Variants in EMX1 observed in about 807,000 individuals in gnomAD.
EMX1 encodes the protein empty spiracles homeobox 1, also known as homeobox protein EMX1.
A neutral mutation model predicts 20.1 loss-of-function variants in EMX1; 10 were observed. That is an observed-to-expected ratio of 0.50 (90% CI 0.31 to 0.84). The LOEUF (loss-of-function observed/expected upper bound fraction) is 0.84. Ranked by LOEUF, EMX1 falls within the 40% of genes least tolerant of loss-of-function variation. The probability of loss-of-function intolerance (pLI) is 0.05; values close to 1 mark genes in which losing one functional copy is unlikely to be tolerated. For missense variants in EMX1, 424 were observed against 431.9 expected (o/e 0.98, Z 0.16); for synonymous variants, 250 against 200.4 (o/e 1.25, Z -2.09).
At chr2:72,925,670 G>A in intron 2 of EMX1, 1 of 1,167,846 alleles carries the variant, frequency 8.6e-7, no homozygotes, top group Admixed American at 3.5e-5. Flanking sequence ...TGCCCGGCAT[G>A]GGGGGCAGCC....
intron 2 of EMX1, among the ~76,000 whole-genome samples, chr2:72,927,568 C>A (rs954050065): frequency 6.6e-6 from 1 of 152,222 alleles, no homozygotes; most frequent in Non-Finnish European, 1.5e-5. Flanking sequence ...AATCTGTAGA[C>A]CAGCAGTATG....
chr2:72,923,753 A>C, intron 1 of EMX1: 1 of 182,338 alleles, frequency 5.5e-6, no homozygotes, highest in East Asian at 1.5e-4. Context: ...TGTACCTTCT[A>C]GTTCTTGAAT....
upstream of EMX1, chr2:72,917,167 T>C (rs1670978635): frequency 4.9e-6 from 3 of 610,714 alleles, no homozygotes; most frequent in Non-Finnish European, 9.0e-6. Flanking sequence ...ATCCAAGTTC[T>C]CTGAGAACTG....
rs372502054 is a variant in EMX1, at chr2:72,924,400, G to C, written c.612G>C (p.Leu204=). Reference sequence around the variant, plus strand: ...GCACGGCCTTCTCGCCCTCGCAGCTGCTGCGGCTGGAGCGCGCCTTCGAGA... The same window carrying C: ...GCACGGCCTTCTCGCCCTCGCAGCTCCTGCGGCTGGAGCGCGCCTTCGAGA... ...RIRTAFSPSQ[L]LRLERAFEKN... is the part of the protein sequence containing the mutation. The change falls in exon 2 of 3, where the codon CTG becomes CTC. Residue 204 remains leucine (L), a synonymous_variant. Transcript: ENST00000258106. 6.3e-6 allele frequency: 10 copies of C among 1,593,228 alleles called. No individual in the cohort carries two copies. Among genetic ancestry groups the C allele is most frequent in the South Asian group, 1.1e-5 (1 of 88,502 alleles).
Position 72,934,262 on chromosome 2 carries a change from T to C in EMX1, c.*308T>C, listed in dbSNP as rs985104703. 1 of 341,044 alleles carries C rather than the reference T, an allele frequency of 2.9e-6. No individual in the cohort carries two copies. Among genetic ancestry groups the C allele is most frequent in the African/African-American group, 2.1e-5 (1 of 47,220 alleles). The allele number at this position is 341,044 out of a possible 1,614,324, so 21.1% of individuals were successfully genotyped here. On this transcript the variant is annotated 3_prime_UTR_variant, in exon 3 of 3. Coordinates refer to ENST00000258106, the MANE Select transcript of EMX1 (RefSeq NM_004097.3). ...CTTTTGTTTTGATGCATTTCTGTTT[T>C]AATTTATTTTCCAGGCACCACTGTA... is the stretch of plus-strand genomic sequence containing the variant.
intron 1 of EMX1, among the ~76,000 whole-genome samples, chr2:72,920,208 C>T (rs899220220): frequency 1.3e-5 from 2 of 152,214 alleles, no homozygotes; most frequent in Non-Finnish European, 2.9e-5. Context: ...AGAAATCCAG[C>T]TCCGGCTCTG....
intron 2 of EMX1, among the ~76,000 whole-genome samples, chr2:72,931,778 A>G (rs1222658545): frequency 1.3e-5 from 2 of 152,272 alleles, no homozygotes; most frequent in Admixed American, 1.3e-4. Context: ...TTCCTGGGCC[A>G]GCTTTCCAGC....
intron 1 of EMX1, among the ~76,000 whole-genome samples, chr2:72,922,063 T>TA (rs1364708112): frequency 4.6e-5 from 7 of 152,144 alleles, no homozygotes; most frequent in African/African-American, 1.7e-4. Flanking sequence ...CATACACACT[T>TA]ACGGGGCTTT....
At chr2:72,917,274 C>G (rs1670980473), upstream of EMX1, among the ~76,000 whole-genome samples, 1 of 135,218 alleles carries the variant, frequency 7.4e-6, no homozygotes, top group African/African-American at 2.8e-5. Context: ...ACGCCTTCTT[C>G]GGCTCCCGCG....
At position 72,934,221 on chromosome 2, in the gene EMX1, CG is replaced by C; in HGVS notation, c.*268del. The C allele has an allele frequency of 2.0e-6, 1 of 488,570 alleles. No homozygotes were observed. The highest frequency in any genetic ancestry group is 3.6e-6 in the Non-Finnish European group (1 of 275,448). 30.3% of individuals were successfully genotyped at this position (488,570 alleles called of 1,614,324 possible). A position where few individuals can be genotyped will look rare whatever the true frequency, so the allele number is the denominator to read the frequency against. ...CCACCGCAGCCTCCCAGCTGCTCTC[CG>C]TGTCTCCAATCTCCCTTTTGTTTTG... On this transcript the variant is annotated 3_prime_UTR_variant, in exon 3 of 3. Coordinates refer to ENST00000258106, the MANE Select transcript of EMX1 (RefSeq NM_004097.3).
intron 2 of EMX1, among the ~76,000 whole-genome samples, chr2:72,929,217 A>G (rs1471527995): frequency 6.6e-6 from 1 of 152,208 alleles, no homozygotes; most frequent in African/African-American, 2.4e-5. Flanking sequence ...CTCATGTTCC[A>G]GGAGTCCTGT....
intron 2 of EMX1, 87 bp downstream of exon 2, chr2:72,924,580 CCCCAG>C: frequency 1.4e-6 from 2 of 1,418,784 alleles, no homozygotes; most frequent in Non-Finnish European, 1.9e-6. Context: ...CCTGAGCCCG[CCCCAG>C]CCCAGCCCTG....
intron 2 of EMX1, among the ~76,000 whole-genome samples, chr2:72,926,527 C>T (rs1405673259): frequency 6.6e-6 from 1 of 152,084 alleles, no homozygotes; most frequent in Admixed American, 6.6e-5. Context: ...AGGTGAAGAC[C>T]CTGAGATGGA....
rs1322630208 is a variant in EMX1 at position 72,917,885 on chromosome 2, G to A, written c.33G>A (p.Ala11=). The change falls in exon 1 of 3, where the codon GCG becomes GCA. Residue 11 remains alanine, a synonymous_variant. Coordinates refer to ENST00000258106, the MANE Select transcript of EMX1 (RefSeq NM_004097.3). MCLAGCTPRK[A]AAPGRGALPR... is the part of the protein sequence containing the mutation. Reference sequence around the variant, plus strand: ...TGGCTGGGTGCACACCCCGCAAGGCGGCGGCGCCAGGACGCGGAGCGCTCC... The same window carrying A: ...TGGCTGGGTGCACACCCCGCAAGGCAGCGGCGCCAGGACGCGGAGCGCTCC... 3 of 1,479,232 alleles carry A rather than the reference G, an allele frequency of 2.0e-6. No homozygotes were observed. Among genetic ancestry groups the A allele is most frequent in the Non-Finnish European group, 2.7e-6 (3 of 1,122,600 alleles). 91.6% of individuals were successfully genotyped at this position (1,479,232 alleles called of 1,614,324 possible).
At chr2:72,919,570 A>C (rs576626553) in intron 1 of EMX1, among the ~76,000 whole-genome samples, 133 of 152,280 alleles carry the variant, frequency 8.7e-4, no homozygotes, top group African/African-American at 3.0e-3. Context: ...TAGATAATAA[A>C]ATGAAAATTA....
At chr2:72,920,825 G>T (rs1671089575) in intron 1 of EMX1, among the ~76,000 whole-genome samples, 1 of 152,246 alleles carries the variant, frequency 6.6e-6, no homozygotes, top group Non-Finnish European at 1.5e-5. Flanking sequence ...AAGACCAGGA[G>T]TGGGCCGCAT....
rs1304203842 is a variant in EMX1, at chr2:72,924,356, C to T, written c.568C>T (p.Arg190Cys). 9 of 1,586,762 alleles carry T rather than the reference C, an allele frequency of 5.7e-6. No homozygotes were observed. Among genetic ancestry groups the T allele is most frequent in the Non-Finnish European group, 7.7e-6 (9 of 1,172,736 alleles). ...GCTGCTTCTGCACGGCCCCTTCGCA[C>T]GCAAGCCCAAGCGGATCCGCACGGC... is the stretch of plus-strand genomic sequence containing the variant. Reference protein sequence around the residue: ...DGLLLHGPFARKPKRIRTAFS... With the variant: ...DGLLLHGPFACKPKRIRTAFS... The change falls in exon 2 of 3, where the codon CGC becomes TGC. Residue 190 changes from arginine to cysteine, a missense_variant. Arg to Cys is a radical substitution (Grantham distance 180). Coordinates refer to ENST00000258106, the MANE Select transcript of EMX1 (RefSeq NM_004097.3).
chr2:72,934,734 G>A lies in EMX1; in HGVS notation c.*780G>A, dbSNP rs1201280674. On this transcript the variant is annotated 3_prime_UTR_variant, in exon 3 of 3. Transcript: ENST00000258106. ...GAAACCAGAGGAAAGGGGAGGATTGGGGTCTGGGGGAGGGAACACCATTCA... is the reference window on the plus strand; with the variant it reads ...GAAACCAGAGGAAAGGGGAGGATTGAGGTCTGGGGGAGGGAACACCATTCA... 2.6e-5 allele frequency: 4 copies of A among 152,190 alleles called. No individual in the cohort carries two copies. The highest frequency in any genetic ancestry group is 9.7e-5 in the African/African-American group (4 of 41,406). The allele number at this position is 152,190 out of a possible 1,614,324, so 9.4% of individuals were successfully genotyped here.
At chr2:72,916,646 G>A, upstream of EMX1, 1 of 708,056 alleles carries the variant, frequency 1.4e-6, no homozygotes, top group East Asian at 2.7e-5. Flanking sequence ...AGGTCAGGCT[G>A]CTTCTGCGTG....
Sources: allele counts gnomAD v4.1 joint callset (sites outside exome capture counted in the v4.1 genomes callset), GRCh38; gene constraint gnomAD v4.1.1; transcripts MANE v1.5; gene names NCBI Gene and HGNC (gene_info 2026-07-23, HGNC 2026-07-21).